ADGRL3: variants seen among roughly 807,000 people sequenced by gnomAD.
ADGRL3 encodes the protein adhesion G protein-coupled receptor L3.
Under a neutral mutation model 153.5 loss-of-function variants are expected in ADGRL3, and 62 were observed. The observed-to-expected ratio is 0.40, with a 90% CI of 0.33 to 0.50. ADGRL3 has a LOEUF of 0.50. Ranked by LOEUF, ADGRL3 falls within the 20% of genes least tolerant of loss-of-function variation. ADGRL3 has a pLI of 0.47. For missense variants in ADGRL3, 1,641 were observed against 1,859.4 expected, an observed-to-expected ratio of 0.88 and a Z score of 2.16; for synonymous variants, 710 against 672.5, an observed-to-expected ratio of 1.06 and a Z score of -0.86.
chr4:61,898,895 G>C lies in ADGRL3; in HGVS notation c.1887+3061G>C, dbSNP rs1175401104. On this transcript the variant is annotated intron_variant, in intron 11 of 26. Transcript: ENST00000683033. Reference sequence around the variant, plus strand: ...GCCTCCCAAAGTGCTAGGATTACAGGAGTGAGCCACCATGCCCCACCACCC... The same window carrying C: ...GCCTCCCAAAGTGCTAGGATTACAGCAGTGAGCCACCATGCCCCACCACCC... Among the ~76,000 whole-genome samples the C allele has an allele frequency of 3.9e-5, 6 of 152,118 alleles. No individual in the cohort carries two copies. In the South Asian group the frequency reaches 6.2e-4, roughly 16 times the overall value.
chr4:61,438,897 C>T (rs371758663), intron 2 of ADGRL3, among the ~76,000 whole-genome samples: 5 of 151,736 alleles, frequency 3.3e-5, no homozygotes, highest in African/African-American at 9.7e-5. Context: ...TTAGTAGAGA[C>T]GGGGTTTCAC....
At chr4:61,979,296 A>G (rs1305187135) in intron 17 of ADGRL3, among the ~76,000 whole-genome samples, 1 of 152,194 alleles carries the variant, frequency 6.6e-6, no homozygotes. Context: ...TGCTTTAACT[A>G]CTTATATTCT....
intron 2 of ADGRL3, among the ~76,000 whole-genome samples, chr4:61,388,107 C>T (rs1413572774): frequency 6.6e-6 from 1 of 152,088 alleles, no homozygotes; most frequent in Non-Finnish European, 1.5e-5. Flanking sequence ...GCTCTGGGGG[C>T]CTCTGGACTC....
At chr4:61,679,047 G>A (rs1305339321) in intron 6 of ADGRL3, among the ~76,000 whole-genome samples, 2 of 152,034 alleles carry the variant, frequency 1.3e-5, no homozygotes, top group African/African-American at 2.4e-5. Flanking sequence ...CTCAGACTGG[G>A]TAATTTAGTA....
At chr4:61,380,398 T>TTA (rs2096653286) in intron 1 of ADGRL3, among the ~76,000 whole-genome samples, 1 of 152,058 alleles carries the variant, frequency 6.6e-6, no homozygotes, top group Admixed American at 6.6e-5. Context: ...TTTTTAAACT[T>TTA]TCCATTTTAG....
chr4:61,832,843 A>G (rs186803636), intron 9 of ADGRL3, among the ~76,000 whole-genome samples: 146 of 137,906 alleles, frequency 1.1e-3, no homozygotes, highest in African/African-American at 3.8e-3. Context: ...GAAGGGGTCT[A>G]TGTGCAGTGT....
At chr4:61,363,335 G>A (rs1026186363) in intron 1 of ADGRL3, among the ~76,000 whole-genome samples, 7 of 134,562 alleles carry the variant, frequency 5.2e-5, no homozygotes, top group Admixed American at 3.1e-4. Flanking sequence ...AGTAAAAGCC[G>A]GTAATTTTTT....
At chr4:61,288,911 G>A (rs1406558733) in intron 1 of ADGRL3, among the ~76,000 whole-genome samples, 1 of 151,876 alleles carries the variant, frequency 6.6e-6, no homozygotes. Context: ...TACTAAACTT[G>A]TTATACTGGT....
At chr4:61,548,856 T>C (rs897847257) in intron 4 of ADGRL3, among the ~76,000 whole-genome samples, 2 of 152,028 alleles carry the variant, frequency 1.3e-5, no homozygotes, top group Non-Finnish European at 2.9e-5. Context: ...CCCTAGTTTT[T>C]TTTCTGATTG....
chr4:61,929,545 G>C (rs1223089243), intron 13 of ADGRL3, among the ~76,000 whole-genome samples: 1 of 152,146 alleles, frequency 6.6e-6, no homozygotes, highest in African/African-American at 2.4e-5. Flanking sequence ...TAGCTGATAT[G>C]AAAATGGAGA....
At chr4:62,022,392 G>T (rs1338287660) in intron 21 of ADGRL3, among the ~76,000 whole-genome samples, 2 of 152,156 alleles carry the variant, frequency 1.3e-5, no homozygotes, top group Admixed American at 6.5e-5. Context: ...GAAGCAGAGA[G>T]TGCTGATGTA....
intron 1 of ADGRL3, among the ~76,000 whole-genome samples, chr4:61,301,881 G>C (rs1008579821): frequency 3.3e-5 from 5 of 152,122 alleles, no homozygotes; most frequent in African/African-American, 1.2e-4. Flanking sequence ...GCTATTACCA[G>C]AGCTTAAAAA....
chr4:61,509,071 G>A (rs904089863), intron 3 of ADGRL3, among the ~76,000 whole-genome samples: 1 of 149,318 alleles, frequency 6.7e-6, no homozygotes, highest in Admixed American at 6.6e-5. Flanking sequence ...AATTATGGGA[G>A]TACAATTCAA....
intron 2 of ADGRL3, among the ~76,000 whole-genome samples, chr4:61,403,927 C>T (rs773774420): frequency 2.0e-5 from 3 of 152,024 alleles, no homozygotes; most frequent in Non-Finnish European, 4.4e-5. Context: ...AGTGAGAAAA[C>T]AGGCATTTTT....
chr4:61,651,090 C>A (rs1424718381), intron 5 of ADGRL3, among the ~76,000 whole-genome samples: 1 of 152,026 alleles, frequency 6.6e-6, no homozygotes, highest in African/African-American at 2.4e-5. Context: ...AAATATTTTT[C>A]TATTTACTTG....
chr4:61,373,706 T>G (rs746554648), intron 1 of ADGRL3, among the ~76,000 whole-genome samples: 6 of 152,206 alleles, frequency 3.9e-5, no homozygotes, highest in Non-Finnish European at 5.9e-5. Flanking sequence ...TAATAGACTT[T>G]TTTACTTTTT....
At chr4:61,559,112 C>T (rs1310541689) in intron 4 of ADGRL3, among the ~76,000 whole-genome samples, 1 of 151,908 alleles carries the variant, frequency 6.6e-6, no homozygotes, top group Non-Finnish European at 1.5e-5. Flanking sequence ...ATGTATTTTT[C>T]TATTTAAAGA....
chr4:61,962,031 A>T (rs2098989775), intron 17 of ADGRL3, among the ~76,000 whole-genome samples: 1 of 151,968 alleles, frequency 6.6e-6, no homozygotes, highest in Admixed American at 6.6e-5. Context: ...ACTTTTTGAA[A>T]GTAAGTTGTT....
chr4:61,572,601 A>G (rs1191803760), intron 4 of ADGRL3, among the ~76,000 whole-genome samples: 1 of 152,100 alleles, frequency 6.6e-6, no homozygotes, highest in African/African-American at 2.4e-5. Flanking sequence ...ATTTTAACAA[A>G]TACATTTCCT....
Sources: gnomAD v4.1 joint callset for allele counts (sites outside exome capture counted in the v4.1 genomes callset) on GRCh38, gnomAD v4.1.1 for gene constraint, MANE v1.5 for transcripts, NCBI Gene and HGNC (gene_info 2026-07-23, HGNC 2026-07-21) for gene names.